The following NF2 variants were observed in gnomAD, a reference collection of about 807,000 sequenced individuals.
NF2 encodes merlin.
In NF2, 8 loss-of-function variants were observed where a neutral mutation model predicts 83.7. The ratio of observed to expected loss-of-function variants is 0.10; its 90% CI spans 0.06 to 0.17. NF2 has a LOEUF of 0.17. Ranked by LOEUF, NF2 falls within the 10% of genes least tolerant of loss-of-function variation. NF2 has a pLI of 1.00. For missense variants in NF2, 533 were observed against 744.4 expected, an observed-to-expected ratio of 0.72 and a Z score of 3.31; for synonymous variants, 266 against 269.6, an observed-to-expected ratio of 0.99 and a Z score of 0.13.
intron 1 of NF2, among the ~76,000 whole-genome samples, chr22:29,611,765 T>G (rs1342320401): frequency 6.6e-6 from 1 of 152,194 alleles, no homozygotes; most frequent in East Asian, 1.9e-4. Context: ...GTATTGGAAC[T>G]AATAAATTAT....
Position 29,604,046 on chromosome 22 carries a change from G to C in NF2, c.48G>C (p.Arg16Ser), listed in dbSNP as rs774973059. 2 of 1,606,332 alleles carry C rather than the reference G, an allele frequency of 1.2e-6. No individual in the cohort carries two copies. Among genetic ancestry groups the C allele is most frequent in the Non-Finnish European group, 1.7e-6 (2 of 1,176,652 alleles). Residue 16 changes from arginine (R) to serine (S), a missense_variant, in exon 1 of 16, where the codon AGG becomes AGC. Physicochemically the swap from Arg to Ser is moderately radical, Grantham distance 110. Around this residue, in one of 3 missense-constraint regions of NF2, gnomAD observed 326 missense variants for 475.1 expected, o/e 0.69. Coordinates refer to ENST00000338641, the MANE Select transcript of NF2 (RefSeq NM_000268.4). ...GCATGAGCTTCAGCTCTCTCAAGAG[G>C]AAGCAACCCAAGACGTTCACCGTGA... Reference protein sequence around the residue: ...ASRMSFSSLKRKQPKTFTVRI... With the variant: ...ASRMSFSSLKSKQPKTFTVRI...
intron 15 of NF2, among the ~76,000 whole-genome samples, chr22:29,681,878 G>A (rs991116128): frequency 5.3e-5 from 8 of 152,160 alleles, no homozygotes; most frequent in Non-Finnish European, 1.0e-4. Flanking sequence ...TAGCAGTAAA[G>A]CATAATGCCC....
At chr22:29,646,352 C>T (rs2146926573) in intron 4 of NF2, among the ~76,000 whole-genome samples, 2 of 152,308 alleles carry the variant, frequency 1.3e-5, no homozygotes, top group South Asian at 2.1e-4. Flanking sequence ...CCTAAGTTAG[C>T]ACATTGCACT....
In NF2 at chr22:29,698,196, AG is replaced by A. The variant is rs2067606769; in HGVS notation, c.*3395del. ...ATTCATGTACCTGCCAGGCCCTGCT[AG>A]ATAGCACCCCGTGGCATTACATAAC... On this transcript the variant is annotated 3_prime_UTR_variant, in exon 16 of 16. Coordinates refer to ENST00000338641, the MANE Select transcript of NF2 (RefSeq NM_000268.4). 1 of 232,108 alleles carries A rather than the reference AG, an allele frequency of 4.3e-6. No homozygotes were observed. Among genetic ancestry groups the A allele is most frequent in the Non-Finnish European group, 8.5e-6 (1 of 117,294 alleles). The allele number at this position is 232,108 out of a possible 1,614,324, so 14.4% of individuals were successfully genotyped here.
Position 29,673,448 on chromosome 22 carries a change from G to A in NF2, c.1302G>A (p.Glu434=), listed in dbSNP as rs1288156950. Residue 434 remains glutamate, a synonymous_variant, in exon 12 of 16, where the codon GAG becomes GAA. Transcript: ENST00000338641. Reference sequence around the variant, plus strand: ...TGGAGCAGAAGGTGCTGGAAGCCGAGGTGCTGGCACTGAAGATGGCTGAGG... The same window carrying A: ...TGGAGCAGAAGGTGCTGGAAGCCGAAGTGCTGGCACTGAAGATGGCTGAGG... ...RLMEQKVLEA[E]VLALKMAEES... is the part of the protein sequence containing the mutation. 1.9e-6 allele frequency: 3 copies of A among 1,611,960 alleles called. No homozygotes were observed. Among genetic ancestry groups the A allele is most frequent in the Non-Finnish European group, 2.5e-6 (3 of 1,179,484 alleles).
At chr22:29,683,791 G>C in intron 15 of NF2, 1 of 1,062,788 alleles carries the variant, frequency 9.4e-7, no homozygotes, top group Non-Finnish European at 1.1e-6. Context: ...AGCGGTCACT[G>C]GTTGCTGAGT....
intron 1 of NF2, among the ~76,000 whole-genome samples, chr22:29,631,381 C>T (rs79826376): frequency 2.6e-5 from 4 of 152,132 alleles, no homozygotes; most frequent in South Asian, 2.1e-4. Context: ...GACCCAGGCC[C>T]GAGTTGTGTT....
At chr22:29,692,260 C>T (rs540107185) in intron 15 of NF2, among the ~76,000 whole-genome samples, 1 of 152,290 alleles carries the variant, frequency 6.6e-6, no homozygotes, top group Non-Finnish European at 1.5e-5. Flanking sequence ...GGCTGTGGTG[C>T]CTTCCTACTT....
intron 1 of NF2, among the ~76,000 whole-genome samples, chr22:29,620,851 C>T (rs2065201967): frequency 6.6e-6 from 1 of 152,178 alleles, no homozygotes; most frequent in African/African-American, 2.4e-5. Context: ...TGAACCACCA[C>T]ACGCAGCTCT....
At chr22:29,620,542 C>T (rs1184772924) in intron 1 of NF2, among the ~76,000 whole-genome samples, 3 of 148,158 alleles carry the variant, frequency 2.0e-5, no homozygotes, top group African/African-American at 7.4e-5. Flanking sequence ...AGTTCAAGAC[C>T]AGCCTGGCCA....
Position 29,603,701 on chromosome 22 carries a change from G to A in NF2, c.-298G>A, listed in dbSNP as rs1386743505. ...CTGCCGTCTAGGGGTCCCGTCCCGA[G>A]GCGTCCCCGGCATCTCCGGCCCGAA... On this transcript the variant is annotated 5_prime_UTR_variant, in exon 1 of 16. Transcript: ENST00000338641. The A allele has an allele frequency of 4.5e-6, 2 of 445,096 alleles. No individual in the cohort carries two copies. The highest frequency in any genetic ancestry group is 7.9e-6 in the Non-Finnish European group (2 of 253,126). 27.6% of individuals were successfully genotyped at this position (445,096 alleles called of 1,614,324 possible).
At chr22:29,626,028 A>G (rs912284840) in intron 1 of NF2, among the ~76,000 whole-genome samples, 3 of 152,116 alleles carry the variant, frequency 2.0e-5, no homozygotes, top group African/African-American at 7.2e-5. Context: ...ATCTCGACTG[A>G]TCTGTGGTTT....
chr22:29,680,952 T>G (rs2067114550), intron 14 of NF2, among the ~76,000 whole-genome samples: 2 of 152,076 alleles, frequency 1.3e-5, no homozygotes, highest in African/African-American at 2.4e-5. Flanking sequence ...GTATGTTTTT[T>G]TTTTGTACAG....
chr22:29,647,936 G>A (rs896206242), intron 4 of NF2, among the ~76,000 whole-genome samples: 1 of 151,748 alleles, frequency 6.6e-6, no homozygotes, highest in Non-Finnish European at 1.5e-5. Flanking sequence ...TTCCCCTTAA[G>A]GTAGGTGCCT....
intron 1 of NF2, among the ~76,000 whole-genome samples, chr22:29,607,977 A>C (rs1452859312): frequency 6.6e-6 from 1 of 151,760 alleles, no homozygotes; most frequent in South Asian, 2.1e-4. Flanking sequence ...GTTCGAGACC[A>C]GCCTGACCAA....
chr22:29,608,530 A>G (rs1381941439), intron 1 of NF2, among the ~76,000 whole-genome samples: 1 of 151,390 alleles, frequency 6.6e-6, no homozygotes, highest in East Asian at 2.0e-4. Flanking sequence ...TTAGTTGGGC[A>G]TGATGGCGGG....
At chr22:29,644,317 AC>A (rs1335455928) in intron 4 of NF2, among the ~76,000 whole-genome samples, 3 of 144,420 alleles carry the variant, frequency 2.1e-5, no homozygotes, top group Non-Finnish European at 3.0e-5. Context: ...CACATCCCAG[AC>A]GATGGGCGGC....
At chr22:29,614,706 C>T (rs2065040291) in intron 1 of NF2, among the ~76,000 whole-genome samples, 1 of 151,736 alleles carries the variant, frequency 6.6e-6, no homozygotes, top group Admixed American at 6.6e-5. Flanking sequence ...TGCACTCTAG[C>T]CTGGGTGACA....
intron 7 of NF2, 128 bp from the exon 8 acceptor site, chr22:29,661,077 C>A: frequency 1.5e-6 from 2 of 1,333,078 alleles, no homozygotes; most frequent in Non-Finnish European, 2.1e-6. Context: ...TATAAGACAG[C>A]TGTGACTTCT....
Sources: gnomAD v4.1 joint callset for allele counts (sites outside exome capture counted in the v4.1 genomes callset) on GRCh38, gnomAD v4.1.1 for gene constraint, gnomAD v4.1.1 regional missense constraint, MANE v1.5 for transcripts, NCBI Gene and HGNC (gene_info 2026-07-23, HGNC 2026-07-21) for gene names.